CCDC40: variants seen among roughly 807,000 people sequenced by gnomAD.
CCDC40 encodes the protein coiled-coil domain 40 molecular ruler complex subunit, also known as coiled-coil domain-containing protein 40.
Under a neutral mutation model 124.5 loss-of-function variants are expected in CCDC40, and 104 were observed. The ratio of observed to expected loss-of-function variants is 0.84; its 90% CI spans 0.71 to 0.98. CCDC40 has a LOEUF of 0.98. Ranked by LOEUF, CCDC40 falls within the 50% of genes least tolerant of loss-of-function variation. CCDC40 has a pLI of 0.00. For synonymous variants in CCDC40, 580 were observed against 602.9 expected, an observed-to-expected ratio of 0.96 and a Z score of 0.56; for missense variants, 1,463 against 1,503.9, an observed-to-expected ratio of 0.97 and a Z score of 0.45.
rs548757790 is a variant in CCDC40, at chr17:80,041,966, G to T, written c.552+1696G>T. Among the ~76,000 whole-genome samples, 539 of 152,224 alleles carry T rather than the reference G, an allele frequency of 3.5e-3. 1 individual carries two copies. The highest frequency in any genetic ancestry group is 0.012 in the African/African-American group (514 of 41,544). Reference sequence around the variant, plus strand: ...TACTTAATGAAGATTTTGTGGGAAGGTGCTTTTTTCTTTTTTGGTTTAAGA... The same window carrying T: ...TACTTAATGAAGATTTTGTGGGAAGTTGCTTTTTTCTTTTTTGGTTTAAGA... On this transcript the variant is annotated intron_variant, in intron 3 of 19. Transcript: ENST00000397545.
At position 80,095,396 on chromosome 17, in the gene CCDC40, C is replaced by A; in HGVS notation, c.2966C>A (p.Thr989Asn). 6.2e-7 allele frequency: 1 copy of A among 1,614,140 alleles called. No individual in the cohort carries two copies. Residue 989 changes from threonine to asparagine, a missense_variant, in exon 18 of 20, where the codon ACC becomes AAC. Thr to Asn is a moderately conservative substitution (Grantham distance 65). Transcript: ENST00000397545. The part of the protein sequence containing the change: ...RKMDRKALTR[T>N]DFHHKQLELR... ...ATGGACAGGAAGGCGCTCACCCGCA[C>A]CGACTTCCACCACAAGCAGCTTGAG...
At position 80,082,059 on chromosome 17, in the gene CCDC40, G is replaced by A. The variant is rs745993158; in HGVS notation, c.1989+1G>A. Reference sequence around the variant, plus strand: ...GCTGCAGAAGGAGAAGACCAACATGGTAGGCCCCTGCCCCAGGGAGGGGCT... The same window carrying A: ...GCTGCAGAAGGAGAAGACCAACATGATAGGCCCCTGCCCCAGGGAGGGGCT... On this transcript the variant is annotated splice_donor_variant, in intron 12 of 19. Coordinates refer to ENST00000397545, the MANE Select transcript of CCDC40 (RefSeq NM_017950.4). LOFTEE classifies it high-confidence loss of function. 3.1e-6 allele frequency: 5 copies of A among 1,612,656 alleles called. No individual in the cohort carries two copies. Among genetic ancestry groups the A allele is most frequent in the Non-Finnish European group, 3.4e-6 (4 of 1,179,662 alleles).
At chr17:80,070,620 C>T (rs1421136739) in intron 10 of CCDC40, among the ~76,000 whole-genome samples, 2 of 151,816 alleles carry the variant, frequency 1.3e-5, no homozygotes, top group East Asian at 1.9e-4. Flanking sequence ...TTTTAATTAG[C>T]GGGGCATGGT....
intron 10 of CCDC40, among the ~76,000 whole-genome samples, chr17:80,079,860 G>T (rs2038406535): frequency 6.6e-6 from 1 of 151,530 alleles, no homozygotes; most frequent in Non-Finnish European, 1.5e-5. Flanking sequence ...GAACCCAGGA[G>T]GTTGCAGTCA....
intron 17 of CCDC40, among the ~76,000 whole-genome samples, chr17:80,094,264 T>A (rs867824886): frequency 0.011 from 1,132 of 106,198 alleles, 12 homozygotes; most frequent in African/African-American, 0.031. Context: ...AAAAAAAAAA[T>A]AGCCAGGCGT....
intron 7 of CCDC40, among the ~76,000 whole-genome samples, chr17:80,057,921 A>G (rs2037793914): frequency 6.6e-6 from 1 of 152,120 alleles, no homozygotes; most frequent in Admixed American, 6.5e-5. Context: ...TGTTAAAGGA[A>G]TCAGTTCCTC....
In CCDC40 at chr17:80,050,094, C is replaced by A; in HGVS notation, c.970C>A (p.Arg324=). 1 of 1,613,966 alleles carries A rather than the reference C, an allele frequency of 6.2e-7. No homozygotes were observed. Among genetic ancestry groups the A allele is most frequent in the African/African-American group, 1.3e-5 (1 of 75,014 alleles). Residue 324 remains arginine (R), a synonymous_variant, in exon 7 of 20, where the codon CGG becomes AGG. Transcript: ENST00000397545. ...VVATKQSRAQ[R]QELGVNLYEV... Reference sequence around the variant, plus strand: ...GGCTACCAAGCAGAGCCGAGCCCAGCGGCAGGAGCTGGGGGTGAATCTCTA... The same window carrying A: ...GGCTACCAAGCAGAGCCGAGCCCAGAGGCAGGAGCTGGGGGTGAATCTCTA...
intron 10 of CCDC40, among the ~76,000 whole-genome samples, chr17:80,069,673 C>T (rs1189672757): frequency 6.6e-6 from 1 of 152,144 alleles, no homozygotes; most frequent in East Asian, 1.9e-4. Flanking sequence ...ATCGCCTGAA[C>T]CCGGGAGGTG....
intron 7 of CCDC40, among the ~76,000 whole-genome samples, chr17:80,055,981 CATATATATAT>C (rs1164782051): frequency 1.1e-4 from 3 of 26,100 alleles, no homozygotes; most frequent in African/African-American, 2.7e-4. Flanking sequence ...GGCTAATTTT[CATATATATAT>C]ATATATATAT....
At chr17:80,088,476 T>C (rs2038636954) in intron 16 of CCDC40, 6 of 337,804 alleles carry the variant, frequency 1.8e-5, no homozygotes, top group Non-Finnish European at 1.2e-5. Context: ...GGTCTTGAAC[T>C]CCTGATCTCA....
At chr17:80,053,821 G>C (rs981610907) in intron 7 of CCDC40, among the ~76,000 whole-genome samples, 3 of 152,166 alleles carry the variant, frequency 2.0e-5, no homozygotes, top group African/African-American at 4.8e-5. Context: ...TTGAACCCCT[G>C]ACCTCGTGAT....
At chr17:80,043,165 G>A (rs9896509) in intron 3 of CCDC40, among the ~76,000 whole-genome samples, 149,965 of 152,272 alleles carry the variant, frequency 0.98, 73,885 homozygotes, top group Middle Eastern at 1. Flanking sequence ...TTGATGCTCA[G>A]TTTGGCCAGT....
chr17:80,048,923 G>C (rs545695965), intron 5 of CCDC40, among the ~76,000 whole-genome samples, 162 bp downstream of exon 5: 1 of 152,096 alleles, frequency 6.6e-6, no homozygotes, highest in Non-Finnish European at 1.5e-5. Context: ...CTGCCTCTTC[G>C]TAGGGTACTC....
chr17:80,094,149 C>A (rs1383429038), intron 17 of CCDC40, among the ~76,000 whole-genome samples: 1 of 150,248 alleles, frequency 6.7e-6, no homozygotes. Flanking sequence ...CGGTGGCTCA[C>A]GCCTGTAATC....
chr17:80,052,071 G>A (rs2037614113), intron 7 of CCDC40, among the ~76,000 whole-genome samples: 1 of 152,254 alleles, frequency 6.6e-6, no homozygotes, highest in African/African-American at 2.4e-5. Context: ...CCACTGCACA[G>A]TCCCTTAGGT....
At chr17:80,055,095 A>G (rs549100188) in intron 7 of CCDC40, among the ~76,000 whole-genome samples, 1 of 152,310 alleles carries the variant, frequency 6.6e-6, no homozygotes, top group African/African-American at 2.4e-5. Flanking sequence ...GTAGGATAGA[A>G]GGAGAGTTCT....
Position 80,089,994 on chromosome 17 carries a change from A to G in CCDC40, c.2832+110A>G, listed in dbSNP as rs1039270456. The G allele has an allele frequency of 2.5e-5, 38 of 1,545,678 alleles. No homozygotes were observed. The East Asian group carries it at 9.0e-4, about 37-fold the overall frequency. ...CTCCCGGGGCTCCTGTGGGAACCAC[A>G]CTGGCCACATTGGCTGGTGGCAATG... On this transcript the variant is annotated intron_variant, in intron 17 of 19. Transcript: ENST00000397545.
rs1180963323 is a variant in CCDC40 at position 80,066,138 on chromosome 17, T to A, written c.1562+532T>A. The A allele has an allele frequency of 8.5e-6, 6 of 702,882 alleles. No homozygotes were observed. The highest frequency in any genetic ancestry group is 1.0e-5 in the Non-Finnish European group (4 of 384,980). The allele number at this position is 702,882 out of a possible 1,614,324, so 43.5% of individuals were successfully genotyped here. A position where few individuals can be genotyped will look rare whatever the true frequency, so the allele number is the denominator to read the frequency against. Reference sequence around the variant, plus strand: ...CCTAAAACCACCCAGGGTGACCAGGTCTCGGGACGCGGAAAGAAAAAGCCG... The same window carrying A: ...CCTAAAACCACCCAGGGTGACCAGGACTCGGGACGCGGAAAGAAAAAGCCG... On this transcript the variant is annotated intron_variant, in intron 10 of 19. Transcript: ENST00000397545. The surrounding 1 kb of genome is among the most constrained non-coding windows in gnomAD (Gnocchi z 4.4).
Position 80,087,812 on chromosome 17 carries a change from C to T in CCDC40, c.2619+36C>T, listed in dbSNP as rs200305168. Reference sequence around the variant, plus strand: ...GTCCACGCAGTCCCGGGGCTCAGGACGATGGAGGGCGGGGGTACGGTCCTT... The same window carrying T: ...GTCCACGCAGTCCCGGGGCTCAGGATGATGGAGGGCGGGGGTACGGTCCTT... On this transcript the variant is annotated intron_variant, in intron 15 of 19. Coordinates refer to ENST00000397545, the MANE Select transcript of CCDC40 (RefSeq NM_017950.4). This position sits in a 1 kb window ranked among gnomAD's most constrained non-coding sequence, Gnocchi z 4.5. 190 of 1,599,968 alleles carry T rather than the reference C, an allele frequency of 1.2e-4. No individual in the cohort carries two copies. In the African/African-American group the frequency reaches 2.1e-3, roughly 17 times the overall value.
Sources: gnomAD v4.1 joint callset for allele counts (sites outside exome capture counted in the v4.1 genomes callset) on GRCh38, gnomAD v4.1.1 for gene constraint, Gnocchi (gnomAD v3.1) non-coding constraint, MANE v1.5 for transcripts, NCBI Gene and HGNC (gene_info 2026-07-23, HGNC 2026-07-21) for gene names.